THSD4: variants seen among roughly 807,000 people sequenced by gnomAD.
The protein encoded by THSD4 is thrombospondin type-1 domain-containing protein 4.
Under a neutral mutation model 119.0 loss-of-function variants are expected in THSD4, and 69 were observed. That is an observed-to-expected ratio of 0.58 (90% confidence interval 0.48 to 0.71). THSD4 has a LOEUF of 0.71. Among genes scored for constraint, THSD4 ranks in the 30% least tolerant of loss-of-function variants. The pLI, the probability that THSD4 is intolerant of heterozygous loss-of-function variation, is 0.00. For synonymous variants in THSD4, 524 were observed against 540.4 expected, an observed-to-expected ratio of 0.97 and a Z score of 0.42; for missense variants, 1,393 against 1,391.1, an observed-to-expected ratio of 1.00 and a Z score of -0.02.
intron 17 of THSD4, 63 bp downstream of exon 17, chr15:71,771,271 G>A (rs2053818824): frequency 6.3e-7 from 1 of 1,590,258 alleles, no homozygotes; most frequent in Non-Finnish European, 8.6e-7. Context: ...AGATTCTCCG[G>A]TGTGACAATA....
chr15:71,507,108 C>G (rs962282765), intron 7 of THSD4, among the ~76,000 whole-genome samples: 2 of 152,204 alleles, frequency 1.3e-5, no homozygotes, highest in Non-Finnish European at 2.9e-5. Flanking sequence ...GAGCACATGC[C>G]TCGGGCTGCC....
intron 7 of THSD4, among the ~76,000 whole-genome samples, chr15:71,566,794 GA>G (rs2049249509): frequency 1.3e-5 from 2 of 149,750 alleles, no homozygotes; most frequent in African/African-American, 4.9e-5. Context: ...ATCACCTTGA[GA>G]GATCTCCAGA....
At chr15:71,653,485 AGGGAT>A (rs572040245) in intron 7 of THSD4, among the ~76,000 whole-genome samples, 199 of 152,316 alleles carry the variant, frequency 1.3e-3, no homozygotes, top group African/African-American at 4.5e-3. Context: ...TCACACTGAG[AGGGAT>A]GCTCCTGGCA....
At chr15:71,198,597 A>G (rs2043740449) in intron 3 of THSD4, among the ~76,000 whole-genome samples, 1 of 152,208 alleles carries the variant, frequency 6.6e-6, no homozygotes, top group Admixed American at 6.5e-5. Context: ...CTTCAAGTGT[A>G]GCTTTGGCCT....
At chr15:71,363,217 G>T (rs975199672) in intron 6 of THSD4, among the ~76,000 whole-genome samples, 27 of 152,272 alleles carry the variant, frequency 1.8e-4, no homozygotes, top group African/African-American at 5.8e-4. Flanking sequence ...ACCCAACTCT[G>T]CTGTGGTCAC....
At chr15:71,227,496 C>T (rs757753036) in intron 4 of THSD4, among the ~76,000 whole-genome samples, 6 of 152,196 alleles carry the variant, frequency 3.9e-5, no homozygotes, top group Non-Finnish European at 8.8e-5. Flanking sequence ...GGGTTGCTAT[C>T]GTTTCCTTTG....
intron 7 of THSD4, among the ~76,000 whole-genome samples, chr15:71,654,931 T>A (rs4404024): frequency 6.6e-6 from 1 of 152,114 alleles, no homozygotes; most frequent in East Asian, 1.9e-4. Flanking sequence ...CCTACCCTGC[T>A]GTGAAGGACA....
chr15:71,105,774 A>G (rs1425608854), intron 1 of THSD4, among the ~76,000 whole-genome samples: 4 of 152,244 alleles, frequency 2.6e-5, no homozygotes, highest in Admixed American at 6.5e-5. Flanking sequence ...GAATTCTCAA[A>G]GGAACAAATT....
At chr15:71,685,018 T>C (rs2051877385) in intron 8 of THSD4, among the ~76,000 whole-genome samples, 1 of 152,130 alleles carries the variant, frequency 6.6e-6, no homozygotes, top group Non-Finnish European at 1.5e-5. Flanking sequence ...GAATTACATA[T>C]CAAATTCACT....
intron 8 of THSD4, among the ~76,000 whole-genome samples, chr15:71,669,695 G>T (rs28452615): frequency 6.6e-6 from 1 of 151,990 alleles, no homozygotes; most frequent in Admixed American, 6.6e-5. Context: ...TTCTAGGTAC[G>T]TTCAGTTGCT....
chr15:71,410,197 T>A (rs1293009072), intron 6 of THSD4, among the ~76,000 whole-genome samples: 1 of 152,152 alleles, frequency 6.6e-6, no homozygotes, highest in Non-Finnish European at 1.5e-5. Flanking sequence ...CTTGTTTCAT[T>A]CCTCAGAGAT....
chr15:71,669,788 G>A (rs2051486723), intron 8 of THSD4, among the ~76,000 whole-genome samples: 1 of 152,220 alleles, frequency 6.6e-6, no homozygotes, highest in Non-Finnish European at 1.5e-5. Context: ...CCAGGCTGCA[G>A]TCAGGCAGGT....
intron 7 of THSD4, among the ~76,000 whole-genome samples, chr15:71,537,372 T>C: frequency 6.6e-6 from 1 of 152,112 alleles, no homozygotes; most frequent in Non-Finnish European, 1.5e-5. Flanking sequence ...AGAAAAAATC[T>C]CTGCAACATG....
At chr15:71,275,087 C>G (rs988722333) in intron 6 of THSD4, among the ~76,000 whole-genome samples, 6 of 151,944 alleles carry the variant, frequency 3.9e-5, no homozygotes, top group African/African-American at 1.2e-4. Flanking sequence ...TCTAGTGTTC[C>G]TACTCAACAG....
In THSD4 at chr15:71,318,372, T is replaced by C. The variant is rs368030931; in HGVS notation, c.1015+61657T>C. Among the ~76,000 whole-genome samples the C allele has an allele frequency of 3.1e-4, 47 of 152,124 alleles. No individual in the cohort carries two copies. In the South Asian group the frequency reaches 9.8e-3, roughly 32 times the overall value. On this transcript the variant is annotated intron_variant, in intron 6 of 17. Coordinates refer to ENST00000261862, the MANE Select transcript of THSD4 (RefSeq NM_024817.3). ...GCACTAGGCATAGGATGGAGCATGG[T>C]TTGAAGTGGAGTTAGTTTGGTGTTT...
chr15:71,130,617 G>A (rs1208820210), intron 1 of THSD4, among the ~76,000 whole-genome samples: 2 of 152,150 alleles, frequency 1.3e-5, no homozygotes, highest in Admixed American at 6.5e-5. Flanking sequence ...AATTCTTACA[G>A]CCTCAGTTTC....
chr15:71,588,147 A>G (rs1357432507), intron 7 of THSD4, among the ~76,000 whole-genome samples: 1 of 151,818 alleles, frequency 6.6e-6, no homozygotes, highest in African/African-American at 2.4e-5. Context: ...TCTACTAAAA[A>G]TACAAAAAAT....
chr15:71,173,536 G>C (rs1013055561), intron 3 of THSD4, among the ~76,000 whole-genome samples: 1 of 147,476 alleles, frequency 6.8e-6, no homozygotes, highest in African/African-American at 2.5e-5. Flanking sequence ...GAATAGAATA[G>C]AGCATAAAAA....
chr15:71,409,897 T>TG (rs901055020), intron 6 of THSD4, among the ~76,000 whole-genome samples: 6 of 151,798 alleles, frequency 4.0e-5, no homozygotes, highest in South Asian at 2.1e-4. Context: ...TTTTTTTTTT[T>TG]TTGTTTTTTT....
Sources: allele counts gnomAD v4.1 joint callset (sites outside exome capture counted in the v4.1 genomes callset), GRCh38; gene constraint gnomAD v4.1.1; transcripts MANE v1.5; gene names NCBI Gene and HGNC (gene_info 2026-07-23, HGNC 2026-07-21).